TENM2: variants seen among roughly 807,000 people sequenced by gnomAD.
TENM2 encodes the protein teneurin transmembrane protein 2, also known as teneurin-2.
A neutral mutation model predicts 245.2 loss-of-function variants in TENM2; 52 were observed. The ratio of observed to expected loss-of-function variants is 0.21; its 90% confidence interval spans 0.17 to 0.27. TENM2 has a LOEUF of 0.27. TENM2 is among the 10% of genes least tolerant of loss of function. The probability of loss-of-function intolerance (pLI) is 1.00; values close to 1 mark genes in which losing one functional copy is unlikely to be tolerated. For synonymous variants in TENM2, 1,363 were observed against 1,438.9 expected (o/e 0.95, Z 1.19); for missense variants, 3,046 against 3,666.8 (o/e 0.83, Z 4.37).
At chr5:168,188,629 A>G (rs1228852802) in intron 13 of TENM2, among the ~76,000 whole-genome samples, 1 of 152,192 alleles carries the variant, frequency 6.6e-6, no homozygotes, top group Non-Finnish European at 1.5e-5. Context: ...TTTCTCTTCA[A>G]AGAGCTCATT....
At chr5:167,805,619 T>A (rs1402630006) in intron 2 of TENM2, among the ~76,000 whole-genome samples, 1 of 152,172 alleles carries the variant, frequency 6.6e-6, no homozygotes, top group Non-Finnish European at 1.5e-5. Context: ...TAAATAGTGA[T>A]CAATAACTGT....
At chr5:168,168,446 A>C (rs1299940399) in intron 13 of TENM2, among the ~76,000 whole-genome samples, 1 of 152,198 alleles carries the variant, frequency 6.6e-6, no homozygotes, top group East Asian at 1.9e-4. Flanking sequence ...TTGGGAGACC[A>C]AGGTGGGTGG....
intron 2 of TENM2, among the ~76,000 whole-genome samples, chr5:167,479,081 A>G (rs940610303): frequency 6.6e-6 from 1 of 152,100 alleles, no homozygotes; most frequent in African/African-American, 2.4e-5. Context: ...TAAATTGAGT[A>G]TAGTAGATAT....
At chr5:167,215,864 A>G in the TENM2 span, among the ~76,000 whole-genome samples, 2 of 152,250 alleles carry the variant, frequency 1.3e-5, no homozygotes, top group African/African-American at 4.8e-5. Flanking sequence ...TCTATGCTGT[A>G]TACCACAGTT....
At chr5:167,273,270 G>A in the TENM2 span, among the ~76,000 whole-genome samples, 2 of 152,124 alleles carry the variant, frequency 1.3e-5, no homozygotes, top group Non-Finnish European at 2.9e-5. Context: ...ACAGAATAAA[G>A]CCCCAGCATA....
chr5:168,107,367 C>G (rs1003287224), intron 9 of TENM2, among the ~76,000 whole-genome samples: 1 of 152,208 alleles, frequency 6.6e-6, no homozygotes, highest in Non-Finnish European at 1.5e-5. Context: ...GGGCATGTCA[C>G]TACTGTCCTC....
At chr5:167,258,555 C>G in the TENM2 span, among the ~76,000 whole-genome samples, 1 of 151,986 alleles carries the variant, frequency 6.6e-6, no homozygotes, top group Non-Finnish European at 1.5e-5. Flanking sequence ...TGTGGAAGTT[C>G]TAGAAAACAT....
At chr5:168,194,672 C>T (rs1201011272) in intron 14 of TENM2, among the ~76,000 whole-genome samples, 2 of 152,082 alleles carry the variant, frequency 1.3e-5, no homozygotes, top group Non-Finnish European at 1.5e-5. Context: ...AAATTTTGCT[C>T]TTAGAGGGCA....
At chr5:167,323,328 G>A (rs1219458246) in intron 1 of TENM2, among the ~76,000 whole-genome samples, 5 of 152,058 alleles carry the variant, frequency 3.3e-5, no homozygotes, top group South Asian at 2.1e-4. Flanking sequence ...AACTGACATC[G>A]TCCTAACTAA....
At chr5:167,527,677 A>C (rs1465590304) in intron 2 of TENM2, among the ~76,000 whole-genome samples, 2 of 152,178 alleles carry the variant, frequency 1.3e-5, no homozygotes, top group African/African-American at 4.8e-5. Context: ...CATCAAATAC[A>C]TTATTTGCAC....
At position 167,374,871 on chromosome 5, in the gene TENM2, T is replaced by C. The variant is rs74424868; in HGVS notation, c.227-327T>C. Reference sequence around the variant, plus strand: ...AAGTAAAATGTGCACAAGTAAGCACTTGGTGTATATTAGCTATTTTGATAC... The same window carrying C: ...AAGTAAAATGTGCACAAGTAAGCACCTGGTGTATATTAGCTATTTTGATAC... On this transcript the variant is annotated intron_variant, in intron 1 of 28. Transcript: ENST00000518659. 5.8e-3 allele frequency among the ~76,000 whole-genome samples: 884 copies of C among 152,274 alleles called. 11 individuals are homozygous for C. The highest frequency in any genetic ancestry group is 0.02 in the African/African-American group (849 of 41,552).
chr5:168,124,875 C>T (rs553315158), exon 11 of TENM2: 4 of 1,612,632 alleles, frequency 2.5e-6, no homozygotes, highest in East Asian at 4.5e-5. Context: ...CCACCTGCTC[C>T]AGCCACGGAG....
chr5:167,066,245 A>T, the TENM2 span, among the ~76,000 whole-genome samples: 1 of 152,160 alleles, frequency 6.6e-6, no homozygotes, highest in East Asian at 1.9e-4. Context: ...CTATATTACC[A>T]AACCAAGGAG....
chr5:167,491,754 G>A (rs1561998806), intron 2 of TENM2, among the ~76,000 whole-genome samples: 1 of 152,102 alleles, frequency 6.6e-6, no homozygotes, highest in Non-Finnish European at 1.5e-5. Context: ...CCAATTAAAT[G>A]TGTACAGCCA....
chr5:167,818,351 T>G (rs1767232300), intron 2 of TENM2, among the ~76,000 whole-genome samples: 1 of 152,176 alleles, frequency 6.6e-6, no homozygotes, highest in Non-Finnish European at 1.5e-5. Flanking sequence ...AGAGATGTGG[T>G]TCATGCATGT....
intron 2 of TENM2, among the ~76,000 whole-genome samples, chr5:167,501,807 G>A (rs1022608412): frequency 6.6e-6 from 1 of 152,110 alleles, no homozygotes; most frequent in African/African-American, 2.4e-5. Flanking sequence ...GGCAGTCTTA[G>A]AAATTAACAT....
intron 2 of TENM2, among the ~76,000 whole-genome samples, chr5:167,842,684 A>AC (rs1163345058): frequency 1.3e-5 from 2 of 150,416 alleles, no homozygotes; most frequent in African/African-American, 4.9e-5. Flanking sequence ...TAGAGTTTGC[A>AC]CCCCATGTGA....
the TENM2 span, among the ~76,000 whole-genome samples, chr5:167,077,521 A>C: frequency 6.6e-6 from 1 of 152,236 alleles, no homozygotes; most frequent in African/African-American, 2.4e-5. Context: ...CTTTTTGGAC[A>C]AGAAAATAAT....
At chr5:167,167,398 C>T in the TENM2 span, among the ~76,000 whole-genome samples, 2 of 152,180 alleles carry the variant, frequency 1.3e-5, no homozygotes, top group African/African-American at 2.4e-5. Context: ...AGTTCAAACA[C>T]GTCGCAGCAT....
Sources: gnomAD v4.1 joint callset for allele counts (sites outside exome capture counted in the v4.1 genomes callset) on GRCh38, gnomAD v4.1.1 for gene constraint, MANE v1.5 for transcripts, NCBI Gene and HGNC (gene_info 2026-07-23, HGNC 2026-07-21) for gene names.